SYNJ1: variants seen among roughly 807,000 people sequenced by gnomAD.
SYNJ1 encodes the protein synaptojanin 1.
SYNJ1 carries 78 observed loss-of-function variants against 168.2 expected under a neutral mutation model. That is an observed-to-expected ratio of 0.46 (90% CI 0.39 to 0.56). The LOEUF (loss-of-function observed/expected upper bound fraction) is 0.56. SYNJ1 is among the 20% of genes least tolerant of loss of function. The pLI is 0.00. For synonymous variants in SYNJ1, 539 were observed against 548.6 expected, an observed-to-expected ratio of 0.98 and a Z score of 0.24; for missense variants, 1,303 against 1,597.6, an observed-to-expected ratio of 0.82 and a Z score of 3.14.
chr21:32,642,247 G>T, intron 27 of SYNJ1, 114 bp from the exon 28 acceptor site: 2 of 1,150,486 alleles, frequency 1.7e-6, no homozygotes, highest in Non-Finnish European at 2.6e-6. Flanking sequence ...GCATGAGATG[G>T]TAACAAAACA....
At chr21:32,639,408 T>C (rs1230640703) in intron 30 of SYNJ1, among the ~76,000 whole-genome samples, 3 of 152,136 alleles carry the variant, frequency 2.0e-5, no homozygotes, top group African/African-American at 7.2e-5. Flanking sequence ...TTTTTGATTT[T>C]TGAGACAGGG....
At chr21:32,699,677 T>C (rs2042330215) in intron 4 of SYNJ1, among the ~76,000 whole-genome samples, 161 bp downstream of exon 4, 1 of 152,114 alleles carries the variant, frequency 6.6e-6, no homozygotes, top group Admixed American at 6.5e-5. Context: ...GGAGATGAGG[T>C]AGAGGTCATT....
rs925841586 is a variant in SYNJ1, at chr21:32,678,611, T to C, written c.1510+34A>G. 10 of 1,519,334 alleles carry C rather than the reference T, an allele frequency of 6.6e-6. No homozygotes were observed. The African/African-American group carries it at 1.3e-4, about 19-fold the overall frequency. The allele number at this position is 1,519,334 out of a possible 1,614,324, so 94.1% of individuals were successfully genotyped here. A position where few individuals can be genotyped will look rare whatever the true frequency, so the allele number is the denominator to read the frequency against. Reference sequence around the variant, plus strand: ...CATTTACCTCTTGGACCTTTAGGAATATAAATAACAAATAAAATATAAAGT... The same window carrying C: ...CATTTACCTCTTGGACCTTTAGGAACATAAATAACAAATAAAATATAAAGT... On this transcript the variant is annotated intron_variant, in intron 12 of 32. Transcript: ENST00000674351.
intron 15 of SYNJ1, among the ~76,000 whole-genome samples, chr21:32,669,877 C>T (rs1392167249): frequency 6.6e-6 from 1 of 152,160 alleles, no homozygotes; most frequent in African/African-American, 2.4e-5. Context: ...AAGAATCTGG[C>T]TGTCTTAAAC....
chr21:32,700,457 C>T (rs1346449794), intron 3 of SYNJ1, among the ~76,000 whole-genome samples: 1 of 152,090 alleles, frequency 6.6e-6, no homozygotes, highest in Non-Finnish European at 1.5e-5. Context: ...GAATTAAAGA[C>T]CACCCTGACT....
In SYNJ1 at chr21:32,657,652, G is replaced by T. The variant is rs1331315714; in HGVS notation, c.2461+64C>A. 4.2e-6 allele frequency: 6 copies of T among 1,439,908 alleles called. No individual in the cohort carries two copies. In the South Asian group the frequency reaches 7.5e-5, roughly 18 times the overall value. The allele number at this position is 1,439,908 out of a possible 1,614,324, so 89.2% of individuals were successfully genotyped here. On this transcript the variant is annotated intron_variant, in intron 19 of 32. Transcript: ENST00000674351. Reference sequence around the variant, plus strand: ...CAATATTCTCCTCATTTGATATTATGTCATTCCCTGCTTCCTCATAAGTTT... The same window carrying T: ...CAATATTCTCCTCATTTGATATTATTTCATTCCCTGCTTCCTCATAAGTTT...
chr21:32,706,637 T>G (rs981711670), intron 2 of SYNJ1, among the ~76,000 whole-genome samples: 3 of 152,190 alleles, frequency 2.0e-5, no homozygotes, highest in African/African-American at 7.2e-5. Flanking sequence ...CATATACTTA[T>G]TCCCAGATAA....
intron 18 of SYNJ1, among the ~76,000 whole-genome samples, chr21:32,660,918 C>T (rs2040673566): frequency 1.3e-5 from 2 of 152,312 alleles, no homozygotes; most frequent in South Asian, 2.1e-4. Context: ...AGCGAGCCTC[C>T]ACCTCAGTGG....
intron 18 of SYNJ1, among the ~76,000 whole-genome samples, chr21:32,660,095 A>G (rs1259689630): frequency 1.3e-5 from 2 of 152,230 alleles, no homozygotes; most frequent in African/African-American, 2.4e-5. Context: ...TTTACACTCT[A>G]TGTGTCAGAA....
intron 21 of SYNJ1, chr21:32,654,117 A>C (rs1290829696): frequency 6.6e-6 from 1 of 152,190 alleles, no homozygotes; most frequent in Non-Finnish European, 1.5e-5. Flanking sequence ...GAGTTAAACC[A>C]CAAGTTCAGA....
In SYNJ1 at chr21:32,641,924, C is replaced by T. The variant is rs1601244421; in HGVS notation, c.3560G>A (p.Gly1187Glu). Residue 1187 changes from glycine to glutamate, a missense_variant, in exon 29 of 33, where the codon GGA becomes GAA. By Grantham distance (98) the Gly-to-Glu change is moderately conservative. Coordinates refer to ENST00000674351, the MANE Select transcript of SYNJ1 (RefSeq NM_203446.3). Reference sequence around the variant, plus strand: ...TCTGGCTGTACTGTATCCAGCAGGTCCTGGGCCTGCAAGTCCTGCTTGAGG... The same window carrying T: ...TCTGGCTGTACTGTATCCAGCAGGTTCTGGGCCTGCAAGTCCTGCTTGAGG... Reference protein sequence around the residue: ...PSPQAGLAGPGPAGYSTARPT... With the variant: ...PSPQAGLAGPEPAGYSTARPT... 3 of 1,613,662 alleles carry T rather than the reference C, an allele frequency of 1.9e-6. No homozygotes were observed. The East Asian group carries it at 6.7e-5, about 36-fold the overall frequency.
intron 13 of SYNJ1, among the ~76,000 whole-genome samples, chr21:32,675,909 A>T (rs907506057): frequency 5.9e-5 from 9 of 152,218 alleles, no homozygotes; most frequent in Admixed American, 3.9e-4. Flanking sequence ...CTTAAATATT[A>T]TATGTGAGAA....
At chr21:32,636,744 C>T (rs2039583771) in intron 31 of SYNJ1, among the ~76,000 whole-genome samples, 2 of 152,020 alleles carry the variant, frequency 1.3e-5, no homozygotes, top group South Asian at 4.2e-4. Flanking sequence ...GAAACTGTAA[C>T]CACTTTGTGA....
chr21:32,700,974 G>A (rs973355541), intron 3 of SYNJ1, among the ~76,000 whole-genome samples: 1 of 152,122 alleles, frequency 6.6e-6, no homozygotes, highest in African/African-American at 2.4e-5. Context: ...AGTTGAAATT[G>A]AGCAATGGTA....
intron 3 of SYNJ1, among the ~76,000 whole-genome samples, 165 bp from the exon 4 acceptor site, chr21:32,700,270 AAAT>A (rs1405990389): frequency 1.3e-5 from 2 of 152,352 alleles, no homozygotes; most frequent in African/African-American, 4.8e-5. Context: ...ATCCTTGTTT[AAAT>A]ATATTAAGTA....
At chr21:32,639,434 C>G (rs1297920275) in intron 30 of SYNJ1, among the ~76,000 whole-genome samples, 1 of 152,024 alleles carries the variant, frequency 6.6e-6, no homozygotes, top group Non-Finnish European at 1.5e-5. Flanking sequence ...TTCTTTTGCC[C>G]AGGCTGGAGT....
At position 32,643,435 on chromosome 21, in the gene SYNJ1, A is replaced by T; in HGVS notation, c.3453T>A (p.Pro1151=). The change falls in exon 27 of 33, where the codon CCT becomes CCA. Residue 1151 remains proline (P), a synonymous_variant. Coordinates refer to ENST00000674351, the MANE Select transcript of SYNJ1 (RefSeq NM_203446.3). ...EFGGIGAPPS[P]GVARREMEAP... is the part of the protein sequence containing the mutation. ...CTTCCATCTCTCTCCTAGCTACCCC[A>T]GGACTGGGAGGGGCTCCAATACCTT... is the stretch of plus-strand genomic sequence containing the variant. 1 of 1,613,832 alleles carries T rather than the reference A, an allele frequency of 6.2e-7. No individual in the cohort carries two copies. Among genetic ancestry groups the T allele is most frequent in the Non-Finnish European group, 8.5e-7 (1 of 1,179,798 alleles).
chr21:32,726,647 G>T, intron 2 of SYNJ1, 125 bp downstream of exon 2: 1 of 1,260,248 alleles, frequency 7.9e-7, no homozygotes, highest in Non-Finnish European at 1.1e-6. Context: ...GGAAATACAA[G>T]CATAATCTGC....
intron 2 of SYNJ1, among the ~76,000 whole-genome samples, chr21:32,709,031 G>T (rs796720866): frequency 1.8e-4 from 28 of 152,190 alleles, no homozygotes; most frequent in African/African-American, 6.7e-4. Flanking sequence ...ACAATAAGAA[G>T]ATTTTAACAA....
Sources: allele counts gnomAD v4.1 joint callset (sites outside exome capture counted in the v4.1 genomes callset), GRCh38; gene constraint gnomAD v4.1.1; transcripts MANE v1.5; gene names NCBI Gene and HGNC (gene_info 2026-07-23, HGNC 2026-07-21).